The following TPR variants were observed in gnomAD, a reference collection of about 807,000 sequenced individuals.
TPR encodes translocated promoter region, nuclear basket protein, also known as nucleoprotein TPR.
In TPR, 51 loss-of-function variants were observed where a neutral mutation model predicts 316.1. That is an observed-to-expected ratio of 0.16 (90% CI 0.13 to 0.20). The LOEUF is 0.20. Among genes scored for constraint, TPR ranks in the 10% least tolerant of loss-of-function variants. TPR has a pLI of 1.00. For synonymous variants in TPR, 981 were observed against 914.7 expected (o/e 1.07, Z -1.31); for missense variants, 2,272 against 2,754.8 (o/e 0.82, Z 3.92).
At chr1:186,323,442 T>C (rs1657826280) in intron 43 of TPR, among the ~76,000 whole-genome samples, 1 of 152,200 alleles carries the variant, frequency 6.6e-6, no homozygotes, top group Non-Finnish European at 1.5e-5. Flanking sequence ...ATAACAATTT[T>C]ATTTGCTATG....
At position 186,320,640 on chromosome 1, in the gene TPR, T is replaced by C. The variant is rs573066069; in HGVS notation, c.6462-222A>G. 2.0e-5 allele frequency among the ~76,000 whole-genome samples: 3 copies of C among 152,370 alleles called. No individual in the cohort carries two copies. The South Asian group carries it at 6.2e-4, about 32-fold the overall frequency. ...AGTAATAAGAATAACCTGTGATTTA[T>C]ATGTAATTAATTTTCAGCTCTCCTG... On this transcript the variant is annotated intron_variant, in intron 45 of 50. Coordinates refer to ENST00000367478, the MANE Select transcript of TPR (RefSeq NM_003292.3).
chr1:186,333,051 ATACTC>A, intron 37 of TPR, 66 bp downstream of exon 37: 1 of 1,520,844 alleles, frequency 6.6e-7, no homozygotes. Context: ...CAAGATATAT[ATACTC>A]AAGATACACT....
chr1:186,321,652 A>G (rs1380058236), intron 45 of TPR, among the ~76,000 whole-genome samples: 3 of 152,240 alleles, frequency 2.0e-5, no homozygotes, highest in Non-Finnish European at 4.4e-5. Flanking sequence ...ACTGAATTCA[A>G]TATCATCCGC....
At chr1:186,340,127 A>G (rs1377748019) in intron 29 of TPR, among the ~76,000 whole-genome samples, 1 of 152,216 alleles carries the variant, frequency 6.6e-6, no homozygotes, top group Non-Finnish European at 1.5e-5. Context: ...CAAGAAAAAA[A>G]ATATAGACAA....
chr1:186,344,193 G>A, intron 25 of TPR, 103 bp from the exon 26 acceptor site: 1 of 1,420,596 alleles, frequency 7.0e-7, no homozygotes, highest in Admixed American at 2.4e-5. Context: ...CCGACTACTT[G>A]GGAGGCTGAG....
chr1:186,317,890 TAAGA>T (rs1452508460), intron 48 of TPR, among the ~76,000 whole-genome samples: 2 of 152,200 alleles, frequency 1.3e-5, no homozygotes, highest in Non-Finnish European at 2.9e-5. Flanking sequence ...TTGACACTCA[TAAGA>T]AATATATGGT....
intron 30 of TPR, among the ~76,000 whole-genome samples, chr1:186,339,210 G>C (rs1571615489): frequency 6.6e-6 from 1 of 152,052 alleles, no homozygotes; most frequent in Admixed American, 6.5e-5. Context: ...TGGGAGGACA[G>C]CTTGAGCCCA....
rs774298312 is a variant in TPR, at chr1:186,312,286, G to A, written c.*1685C>T. The A allele has an allele frequency of 1.2e-5, 20 of 1,613,834 alleles. No individual in the cohort carries two copies. The highest frequency in any genetic ancestry group is 1.7e-5 in the Admixed American group (1 of 59,992). On this transcript the variant is annotated 3_prime_UTR_variant, in exon 51 of 51. Transcript: ENST00000367478. ...GGAGAAACGACACAGGTTAGGAGAC[G>A]TCGCTTTGAACGTGCTATAGGACCT...
chr1:186,346,404 T>TA (rs1159204674), intron 22 of TPR, 117 bp from the exon 23 acceptor site: 2 of 1,069,828 alleles, frequency 1.9e-6, no homozygotes, highest in Admixed American at 3.1e-5. Context: ...TGTTGTATAT[T>TA]AAAAAAAGAA....
intron 30 of TPR, among the ~76,000 whole-genome samples, chr1:186,339,161 G>A (rs1021393845): frequency 1.3e-5 from 2 of 152,068 alleles, no homozygotes; most frequent in African/African-American, 4.8e-5. Flanking sequence ...CAGGCATGAT[G>A]GCTCATGCCT....
At chr1:186,347,551 A>C (rs1483755554) in intron 21 of TPR, 93 bp from the exon 22 acceptor site, 1 of 1,275,614 alleles carries the variant, frequency 7.8e-7, no homozygotes, top group African/African-American at 1.5e-5. Context: ...ATTAAGGTTC[A>C]AATACAGATA....
At position 186,312,605 on chromosome 1, in the gene TPR, T is replaced by C. The variant is rs1657348332; in HGVS notation, c.*1366A>G. 2 of 806,174 alleles carry C rather than the reference T, an allele frequency of 2.5e-6. No homozygotes were observed. The highest frequency in any genetic ancestry group is 2.0e-6 in the Non-Finnish European group (1 of 508,974). 49.9% of individuals were successfully genotyped at this position (806,174 alleles called of 1,614,324 possible). On this transcript the variant is annotated 3_prime_UTR_variant, in exon 51 of 51. Transcript: ENST00000367478. Reference sequence around the variant, plus strand: ...GGTTTGTTAGTTATAACCAATACTATTTATCAAGTACTTCTTACCAAGAAC... The same window carrying C: ...GGTTTGTTAGTTATAACCAATACTACTTATCAAGTACTTCTTACCAAGAAC...
At chr1:186,330,231 A>C (rs898739843) in intron 39 of TPR, among the ~76,000 whole-genome samples, 6 of 152,136 alleles carry the variant, frequency 3.9e-5, no homozygotes, top group African/African-American at 1.4e-4. Context: ...GTAAATTTCT[A>C]AATTCATATG....
intron 29 of TPR, 106 bp from the exon 30 acceptor site, chr1:186,339,878 TGTAAA>T: frequency 3.3e-6 from 3 of 920,424 alleles, no homozygotes; most frequent in Middle Eastern, 3.7e-4. Context: ...GTGTCCTGCA[TGTAAA>T]GTAATCAAGC....
In TPR at chr1:186,341,114, C is replaced by T. The variant is rs374520856; in HGVS notation, c.3934G>A (p.Ala1312Thr). Residue 1312 changes from alanine to threonine, a missense_variant, in exon 29 of 51, where the codon GCT (alanine) becomes ACT (threonine). By Grantham distance (58) the Ala-to-Thr change is moderately conservative. Coordinates refer to ENST00000367478, the MANE Select transcript of TPR (RefSeq NM_003292.3). ...ATACCGCTTTTCTCACTCAGCTCAG[C>T]ATTTGCTTCTTGTAAGGGTAAAATA... Reference protein sequence around the residue: ...LDILPLQEANAELSEKSGMLQ... With the variant: ...LDILPLQEANTELSEKSGMLQ... 3.7e-6 allele frequency: 6 copies of T among 1,614,146 alleles called. No homozygotes were observed. Among genetic ancestry groups the T allele is most frequent in the Non-Finnish European group, 1.7e-6 (2 of 1,180,020 alleles).
Position 186,343,980 on chromosome 1 carries a change from T to C in TPR, c.3528A>G (p.Glu1176=). Residue 1176 remains glutamate, a synonymous_variant, in exon 26 of 51, where the codon GAA becomes GAG. Coordinates refer to ENST00000367478, the MANE Select transcript of TPR (RefSeq NM_003292.3). ...LSDKVVASVK[E]GVQGPLNVSL... ...ATACATTCAGTGGACCTTGTACACCTTCCTTCACAGAGGCAACGACCTTGT... is the reference window on the plus strand; with the variant it reads ...ATACATTCAGTGGACCTTGTACACCCTCCTTCACAGAGGCAACGACCTTGT... The C allele has an allele frequency of 2.5e-6, 4 of 1,614,200 alleles. No individual in the cohort carries two copies. The highest frequency in any genetic ancestry group is 3.4e-6 in the Non-Finnish European group (4 of 1,180,028).
chr1:186,328,387 C>T (rs982236113), intron 39 of TPR, among the ~76,000 whole-genome samples: 1 of 151,988 alleles, frequency 6.6e-6, no homozygotes, highest in African/African-American at 2.4e-5. Flanking sequence ...AACATGTAAT[C>T]AATGTAAAAA....
chr1:186,362,454 GC>G, intron 6 of TPR, 74 bp from the exon 7 acceptor site: 1 of 1,206,916 alleles, frequency 8.3e-7, no homozygotes, highest in Non-Finnish European at 1.2e-6. Flanking sequence ...GGTTTATGCT[GC>G]TAAGGAAAAG....
chr1:186,326,798 T>C (rs3766709), intron 40 of TPR, among the ~76,000 whole-genome samples: 93,307 of 148,046 alleles, frequency 0.63, 29,498 homozygotes, highest in Non-Finnish European at 0.65. Flanking sequence ...CATACAGTCA[T>C]TTATCAATAA....
Sources: gnomAD v4.1 joint callset for allele counts (sites outside exome capture counted in the v4.1 genomes callset) on GRCh38, gnomAD v4.1.1 for gene constraint, MANE v1.5 for transcripts, NCBI Gene and HGNC (gene_info 2026-07-23, HGNC 2026-07-21) for gene names.